Variants in CUL1 observed in about 807,000 individuals in gnomAD.
CUL1 encodes the protein cullin-1.
In CUL1, 24 loss-of-function variants were observed where a neutral mutation model predicts 118.0. That is an observed-to-expected ratio of 0.20 (90% CI 0.15 to 0.29). CUL1 has a LOEUF of 0.29. Ranked by LOEUF, CUL1 falls within the 10% of genes least tolerant of loss-of-function variation. CUL1 has a pLI of 1.00. For missense variants in CUL1, 361 were observed against 933.8 expected (o/e 0.39, Z 7.99); for synonymous variants, 332 against 340.4 (o/e 0.98, Z 0.27).
At chr7:148,764,718 A>G (rs1041212137) in intron 7 of CUL1, among the ~76,000 whole-genome samples, 1 of 152,266 alleles carries the variant, frequency 6.6e-6, no homozygotes, top group African/African-American at 2.4e-5. Context: ...TTAGTGGAAC[A>G]TTAGATATAA....
intron 4 of CUL1, among the ~76,000 whole-genome samples, chr7:148,757,615 T>A (rs1422268489): frequency 6.6e-6 from 1 of 152,210 alleles, no homozygotes; most frequent in Non-Finnish European, 1.5e-5. Flanking sequence ...ATACGTTTCT[T>A]CAGTCAATGA....
chr7:148,752,944 G>A (rs887135048), intron 2 of CUL1, among the ~76,000 whole-genome samples: 3 of 152,238 alleles, frequency 2.0e-5, no homozygotes, highest in East Asian at 3.8e-4. Flanking sequence ...GAGCCACCGC[G>A]CCCAGCCTGA....
chr7:148,751,120 C>T (rs1209136856), intron 2 of CUL1, among the ~76,000 whole-genome samples: 2 of 152,104 alleles, frequency 1.3e-5, no homozygotes, highest in Non-Finnish European at 2.9e-5. Context: ...TGGATAGCCG[C>T]TTTGTAGCAC....
intron 6 of CUL1, 40 bp from the exon 7 acceptor site, chr7:148,760,293 A>T (rs1323646900): frequency 1.9e-6 from 3 of 1,548,346 alleles, no homozygotes; most frequent in South Asian, 2.5e-5. Flanking sequence ...TATAACCAAA[A>T]AAATAGGGTA....
intron 7 of CUL1, among the ~76,000 whole-genome samples, chr7:148,762,197 C>T (rs143457276): frequency 1.4e-3 from 208 of 152,250 alleles, no homozygotes; most frequent in Middle Eastern, 3.4e-3. Context: ...GAATGGACTG[C>T]GGAATCTCTT....
chr7:148,766,670 T>C lies in CUL1; in HGVS notation c.899T>C (p.Leu300Ser). The C allele has an allele frequency of 1.2e-6, 2 of 1,613,552 alleles. No individual in the cohort carries two copies. Among genetic ancestry groups the C allele is most frequent in the Non-Finnish European group, 1.7e-6 (2 of 1,179,838 alleles). ...GAACAAGTCCTCATTGAAAAACACTTGGAAATTTTCCACACAGAATTTCAG... is the reference window on the plus strand; with the variant it reads ...GAACAAGTCCTCATTGAAAAACACTCGGAAATTTTCCACACAGAATTTCAG... ...KCEQVLIEKHLEIFHTEFQNL... is the reference protein window; with the variant it reads ...KCEQVLIEKHSEIFHTEFQNL... Residue 300 changes from leucine to serine, a missense_variant, in exon 8 of 22, where the codon TTG (leucine) becomes TCG (serine). Physicochemically the swap from Leu to Ser is moderately radical, Grantham distance 145. Transcript: ENST00000325222.
chr7:148,773,410 CTT>C (rs1265065125), intron 9 of CUL1, among the ~76,000 whole-genome samples: 2 of 152,104 alleles, frequency 1.3e-5, no homozygotes, highest in Non-Finnish European at 2.9e-5. Flanking sequence ...GACCTTAACT[CTT>C]CTATCCTAAG....
In CUL1 at chr7:148,757,040, G is replaced by C. The variant is rs896282269; in HGVS notation, c.373G>C (p.Asp125His). The C allele has an allele frequency of 6.2e-7, 1 of 1,609,926 alleles. No homozygotes were observed. Among genetic ancestry groups the C allele is most frequent in the Non-Finnish European group, 8.5e-7 (1 of 1,178,426 alleles). ...VLKFYTQQWE[D>H]YRFSSKVLNG... ...GAAATTCTACACTCAACAATGGGAA[G>C]ATTATCGATTTTCAAGCAAAGTGCT... Residue 125 changes from aspartate to histidine, a missense_variant, in exon 4 of 22, where the codon GAT becomes CAT. Transcript: ENST00000325222.
rs1381506505 is a variant in CUL1 at position 148,759,528 on chromosome 7, T to A, written c.535-20T>A. 6.6e-7 allele frequency: 1 copy of A among 1,523,352 alleles called. No homozygotes were observed. Among genetic ancestry groups the A allele is most frequent in the African/African-American group, 1.4e-5 (1 of 72,572 alleles). 94.4% of individuals were successfully genotyped at this position (1,523,352 alleles called of 1,614,324 possible). On this transcript the variant is annotated intron_variant, in intron 5 of 21. Coordinates refer to ENST00000325222, the MANE Select transcript of CUL1 (RefSeq NM_003592.3). ...CATATTCTATAACCTGTGTAATATTTTTCTACATCCTTTCTAAAGGTAACA... is the reference window on the plus strand; with the variant it reads ...CATATTCTATAACCTGTGTAATATTATTCTACATCCTTTCTAAAGGTAACA...
chr7:148,748,781 A>G (rs1438504673), intron 2 of CUL1, among the ~76,000 whole-genome samples: 1 of 152,228 alleles, frequency 6.6e-6, no homozygotes, highest in Non-Finnish European at 1.5e-5. Flanking sequence ...CATTTTAAAT[A>G]AACTGTCAAA....
intron 9 of CUL1, among the ~76,000 whole-genome samples, chr7:148,777,397 TC>T (rs1202166763): frequency 6.6e-6 from 1 of 152,212 alleles, no homozygotes; most frequent in Admixed American, 6.5e-5. Flanking sequence ...ACACCTGTAA[TC>T]CCAGCACTTT....
chr7:148,751,690 TC>T (rs1035018556), intron 2 of CUL1, among the ~76,000 whole-genome samples: 11 of 152,000 alleles, frequency 7.2e-5, no homozygotes, highest in Non-Finnish European at 1.3e-4. Flanking sequence ...ATTAGCAAGG[TC>T]CACCACCAAG....
chr7:148,789,001 A>G (rs1584819792), intron 14 of CUL1, among the ~76,000 whole-genome samples: 1 of 152,144 alleles, frequency 6.6e-6, no homozygotes, highest in Admixed American at 6.5e-5. Context: ...CTTGGCCTGC[A>G]TAGGTAACAG....
chr7:148,767,864 C>G, intron 9 of CUL1, 115 bp downstream of exon 9: 2 of 1,025,150 alleles, frequency 2.0e-6, no homozygotes, highest in South Asian at 3.3e-5. Context: ...CATTAGAACT[C>G]TGAGAACCAT....
intron 9 of CUL1, among the ~76,000 whole-genome samples, chr7:148,771,663 G>A (rs922309755): frequency 1.4e-4 from 21 of 152,212 alleles, no homozygotes; most frequent in African/African-American, 4.8e-4. Flanking sequence ...TTGCACTGGG[G>A]CACCAGGAGG....
chr7:148,761,219 A>G (rs1328589516), intron 7 of CUL1, among the ~76,000 whole-genome samples: 2 of 152,064 alleles, frequency 1.3e-5, no homozygotes, highest in Non-Finnish European at 2.9e-5. Flanking sequence ...AGAAATATAG[A>G]TATCCTGGCT....
At chr7:148,708,486 T>C (rs538138029) in intron 1 of CUL1, among the ~76,000 whole-genome samples, 2 of 152,364 alleles carry the variant, frequency 1.3e-5, no homozygotes, top group East Asian at 3.9e-4. Context: ...CCCTCACGCC[T>C]GGCGATGCAG....
intron 9 of CUL1, among the ~76,000 whole-genome samples, chr7:148,776,349 C>T (rs942249925): frequency 1.2e-5 from 1 of 82,062 alleles, no homozygotes; most frequent in African/African-American, 5.0e-5. Context: ...TGGAGTCTCA[C>T]TCTTTCACCC....
chr7:148,772,846 C>T (rs1338834511), intron 9 of CUL1, among the ~76,000 whole-genome samples: 3 of 151,880 alleles, frequency 2.0e-5, no homozygotes, highest in African/African-American at 7.3e-5. Context: ...TGGACGTAGC[C>T]TCAGAATCCT....
Sources: gnomAD v4.1 joint callset for allele counts (sites outside exome capture counted in the v4.1 genomes callset) on GRCh38, gnomAD v4.1.1 for gene constraint, MANE v1.5 for transcripts, NCBI Gene and HGNC (gene_info 2026-07-23, HGNC 2026-07-21) for gene names.